EYS: variants seen among roughly 807,000 people sequenced by gnomAD.
The protein encoded by EYS is EGF-like photoreceptor maintenance factor, also known as protein eyes shut homolog.
A neutral mutation model predicts 282.1 loss-of-function variants in EYS; 250 were observed. The ratio of observed to expected loss-of-function variants is 0.89; its 90% CI spans 0.80 to 0.98. The LOEUF is 0.98. Among genes scored for constraint, EYS ranks in the 50% least tolerant of loss-of-function variants. The pLI, the probability that EYS is intolerant of heterozygous loss-of-function variation, is 0.00. For synonymous variants in EYS, 1,355 were observed against 1,282.9 expected (o/e 1.06, Z -1.20); for missense variants, 4,016 against 3,709.0 (o/e 1.08, Z -2.15).
intron 22 of EYS, among the ~76,000 whole-genome samples, chr6:64,682,524 A>G (rs571397317): frequency 5.3e-5 from 8 of 152,234 alleles, no homozygotes; most frequent in Admixed American, 1.3e-4. Flanking sequence ...TCATTAAGAG[A>G]CAAAATGGCA....
chr6:65,547,681 G>A (rs1038361707), intron 2 of EYS, among the ~76,000 whole-genome samples: 2 of 152,058 alleles, frequency 1.3e-5, no homozygotes, highest in Non-Finnish European at 2.9e-5. Flanking sequence ...ATATATTTAT[G>A]TGCCATTTGA....
chr6:65,513,826 C>T (rs1198756940), intron 2 of EYS, among the ~76,000 whole-genome samples: 2 of 151,690 alleles, frequency 1.3e-5, no homozygotes, highest in African/African-American at 4.9e-5. Context: ...AAACCCACAG[C>T]CGACATCATA....
At chr6:65,082,766 A>G (rs1774261285) in intron 12 of EYS, among the ~76,000 whole-genome samples, 1 of 151,730 alleles carries the variant, frequency 6.6e-6, no homozygotes, top group African/African-American at 2.4e-5. Flanking sequence ...GCCTGTTTTG[A>G]TATATTATAT....
intron 29 of EYS, among the ~76,000 whole-genome samples, chr6:64,387,961 A>T (rs928027200): frequency 1.3e-5 from 2 of 152,126 alleles, no homozygotes; most frequent in Non-Finnish European, 2.9e-5. Context: ...ACTGTGAAAC[A>T]ATAGCATTTT....
At chr6:63,722,521 G>A (rs890996499) in intron 42 of EYS, among the ~76,000 whole-genome samples, 1 of 152,174 alleles carries the variant, frequency 6.6e-6, no homozygotes, top group Non-Finnish European at 1.5e-5. Flanking sequence ...AAGTTGCAAT[G>A]AGGCATTCAG....
In EYS at chr6:63,984,509, A is replaced by G. The variant is rs1253820214; in HGVS notation, c.6929T>C (p.Leu2310Pro). 21 of 1,549,682 alleles carry G rather than the reference A, an allele frequency of 1.4e-5. 1 individual carries two copies. Among genetic ancestry groups the G allele is most frequent in the Middle Eastern group, 3.3e-4 (2 of 5,972 alleles). ...TTCTTTGTTGTTTACTTGAAGGTCTAGAATGCAGCCCCTGAACCCATAAAC... is the reference window on the plus strand; with the variant it reads ...TTCTTTGTTGTTTACTTGAAGGTCTGGAATGCAGCCCCTGAACCCATAAAC... ...GPVYGFRGCI[L>P]DLQVNNKEFF... The change falls in exon 35 of 43, where the codon CTA becomes CCA. Residue 2310 changes from leucine (L) to proline (P), a missense_variant. By Grantham distance (98) the Leu-to-Pro change is moderately conservative. Transcript: ENST00000503581.
chr6:64,097,657 T>C (rs1007871476), intron 31 of EYS, among the ~76,000 whole-genome samples: 2 of 152,144 alleles, frequency 1.3e-5, no homozygotes, highest in African/African-American at 4.8e-5. Context: ...CTGTCACCCC[T>C]TTCTTTGACT....
intron 15 of EYS, among the ~76,000 whole-genome samples, chr6:64,924,427 G>A (rs1768447158): frequency 6.6e-6 from 1 of 152,094 alleles, no homozygotes; most frequent in Admixed American, 6.5e-5. Context: ...TCTCTGGCAT[G>A]GCCTGCAGAC....
chr6:64,972,453 G>C (rs34346075), intron 14 of EYS, among the ~76,000 whole-genome samples: 64,727 of 151,760 alleles, frequency 0.43, 15,742 homozygotes, highest in African/African-American at 0.67. Flanking sequence ...CCACCTCTGC[G>C]ACTCCTGAGA....
chr6:64,895,082 C>T (rs1767412016), intron 18 of EYS, among the ~76,000 whole-genome samples: 1 of 152,088 alleles, frequency 6.6e-6, no homozygotes, highest in South Asian at 2.1e-4. Flanking sequence ...CTTGAAAGGA[C>T]TGAAAGTTGC....
chr6:65,584,123 T>C (rs1249214558), intron 2 of EYS, among the ~76,000 whole-genome samples: 1 of 152,074 alleles, frequency 6.6e-6, no homozygotes, highest in Non-Finnish European at 1.5e-5. Flanking sequence ...TTTGATACTA[T>C]GTCTCTAGTT....
intron 19 of EYS, among the ~76,000 whole-genome samples, chr6:64,876,013 A>G (rs879519561): frequency 1.1e-4 from 16 of 152,042 alleles, no homozygotes; most frequent in African/African-American, 3.6e-4. Context: ...ACTTGTCTTA[A>G]TTTGCTATTG....
chr6:64,900,767 A>G (rs1391764438), intron 18 of EYS, among the ~76,000 whole-genome samples: 1 of 152,178 alleles, frequency 6.6e-6, no homozygotes, highest in African/African-American at 2.4e-5. Flanking sequence ...ATGTGGAGAA[A>G]TAGGAATGCT....
chr6:65,393,510 C>T (rs1488500389), intron 7 of EYS, among the ~76,000 whole-genome samples: 5 of 152,068 alleles, frequency 3.3e-5, no homozygotes, highest in Non-Finnish European at 5.9e-5. Context: ...TTTTAAAAAT[C>T]ATTTTTCAAA....
chr6:64,252,809 A>G (rs1767265341), intron 30 of EYS, among the ~76,000 whole-genome samples: 1 of 152,194 alleles, frequency 6.6e-6, no homozygotes, highest in South Asian at 2.1e-4. Context: ...CTGTACTTCT[A>G]CTAGAAATCT....
intron 12 of EYS, among the ~76,000 whole-genome samples, chr6:65,065,729 G>A (rs1282769778): frequency 6.6e-5 from 10 of 152,144 alleles, no homozygotes; most frequent in Admixed American, 6.5e-4. Flanking sequence ...CAGATTTATA[G>A]TAATTCTTCT....
intron 14 of EYS, among the ~76,000 whole-genome samples, chr6:64,995,576 A>T (rs1453235071): frequency 5.3e-5 from 8 of 152,152 alleles, no homozygotes; most frequent in Admixed American, 5.2e-4. Flanking sequence ...CAGTATGATG[A>T]CATTTCTGTT....
intron 36 of EYS, among the ~76,000 whole-genome samples, chr6:63,829,020 C>T (rs1270856276): frequency 1.3e-5 from 2 of 152,204 alleles, no homozygotes; most frequent in Non-Finnish European, 2.9e-5. Flanking sequence ...AAAAAAGATA[C>T]TTGCACATGC....
chr6:64,099,413 T>C (rs1329737035), intron 31 of EYS, among the ~76,000 whole-genome samples: 1 of 152,212 alleles, frequency 6.6e-6, no homozygotes, highest in East Asian at 1.9e-4. Context: ...TCTGAAAAGA[T>C]GGGAACTTTA....
Sources: gnomAD v4.1 joint callset for allele counts (sites outside exome capture counted in the v4.1 genomes callset) on GRCh38, gnomAD v4.1.1 for gene constraint, MANE v1.5 for transcripts, NCBI Gene and HGNC (gene_info 2026-07-23, HGNC 2026-07-21) for gene names.